FBXO39: variants seen among roughly 807,000 people sequenced by gnomAD.
FBXO39 encodes F-box protein 39.
In FBXO39, 22 loss-of-function variants were observed where a neutral mutation model predicts 36.6. The ratio of observed to expected loss-of-function variants is 0.60; its 90% CI spans 0.43 to 0.86. The LOEUF is 0.86. Among genes scored for constraint, FBXO39 ranks in the 40% least tolerant of loss-of-function variants. The probability of loss-of-function intolerance (pLI) is 0.00; values close to 1 mark genes in which losing one functional copy is unlikely to be tolerated. For missense variants in FBXO39, 536 were observed against 543.9 expected, an observed-to-expected ratio of 0.99 and a Z score of 0.14; for synonymous variants, 206 against 205.8, an observed-to-expected ratio of 1.00 and a Z score of -0.01.
Position 6,786,894 on chromosome 17 carries a change from A to G in FBXO39, c.1138A>G (p.Ser380Gly). Residue 380 changes from serine to glycine, a missense_variant, in exon 3 of 4, where the codon AGT becomes GGT. Physicochemically the swap from Ser to Gly is moderately conservative, Grantham distance 56. Coordinates refer to ENST00000321535, the MANE Select transcript of FBXO39 (RefSeq NM_153230.3). ...CAAAATCTGGGCTTTCCTTGATGTT[A>G]GTTTTGTGGAGCGGATCCTGAAGAG... ...YFKIWAFLDV[S>G]FVERILKSQK... is the part of the protein sequence containing the mutation. 1 of 1,614,050 alleles carries G rather than the reference A, an allele frequency of 6.2e-7. No homozygotes were observed. Among genetic ancestry groups the G allele is most frequent in the Non-Finnish European group, 8.5e-7 (1 of 1,179,964 alleles).
chr17:6,778,683 G>A (rs34246383), intron 1 of FBXO39, among the ~76,000 whole-genome samples: 4,647 of 152,252 alleles, frequency 0.031, 118 homozygotes, highest in Non-Finnish European at 0.05. Flanking sequence ...TTTGGGAGGG[G>A]CAAACAACAT....
chr17:6,780,678 T>C lies in FBXO39; in HGVS notation c.810T>C (p.Gly270=), dbSNP rs563255414. The change falls in exon 2 of 4, where the codon GGT becomes GGC. Residue 270 remains glycine (G), a synonymous_variant. Transcript: ENST00000321535. ...VHDPHGQVIW[G]MSWAKLARQA... ...ACCCCCACGGACAGGTCATCTGGGG[T>C]ATGTCCTGGGCCAAGCTGGCCAGGC... 1.2e-5 allele frequency: 19 copies of C among 1,614,074 alleles called. No homozygotes were observed. In the African/African-American group the frequency reaches 1.6e-4, roughly 14 times the overall value.
At chr17:6,777,990 G>T (rs1387165691) in intron 1 of FBXO39, among the ~76,000 whole-genome samples, 1 of 152,142 alleles carries the variant, frequency 6.6e-6, no homozygotes, top group Non-Finnish European at 1.5e-5. Context: ...AAAGCCTGGA[G>T]AAGGTCCCTA....
chr17:6,787,254 G>GTGTGTGTGTGTGTGTGCC (rs111990751), intron 3 of FBXO39, 46 bp from the exon 4 acceptor site: 1 of 1,562,008 alleles, frequency 6.4e-7, no homozygotes, highest in African/African-American at 1.6e-5. Flanking sequence ...GTGTGTGTGT[G>GTGTGTGTGTGTGTGTGCC]CGTGTGTGCG....
intron 1 of FBXO39, 51 bp from the exon 2 acceptor site, chr17:6,779,738 A>T: frequency 1.0e-6 from 1 of 985,542 alleles, no homozygotes; most frequent in Non-Finnish European, 1.5e-6. Flanking sequence ...GGTTCATTTG[A>T]GTTTAATCTC....
rs759399371 is a variant in FBXO39 at position 6,780,089 on chromosome 17, A to C, written c.221A>C (p.Glu74Ala). Residue 74 changes from glutamate to alanine, a missense_variant, in exon 2 of 4, where the codon GAA becomes GCA. Transcript: ENST00000321535. Reference protein sequence around the residue: ...SGRPSRVHASEVESAVWYVKK... With the variant: ...SGRPSRVHASAVESAVWYVKK... The stretch of plus-strand genomic sequence containing the variant: ...AGACCTTCCAGGGTACATGCATCTG[A>C]AGTTGAGTCAGCTGTTTGGTATGTT... The C allele has an allele frequency of 6.2e-7, 1 of 1,614,174 alleles. No homozygotes were observed. The highest frequency in any genetic ancestry group is 2.2e-5 in the East Asian group (1 of 44,886).
At chr17:6,778,145 G>A (rs984846674) in intron 1 of FBXO39, among the ~76,000 whole-genome samples, 2 of 152,316 alleles carry the variant, frequency 1.3e-5, no homozygotes, top group African/African-American at 4.8e-5. Context: ...GCTGCTAGAC[G>A]CAATGGGTGA....
chr17:6,782,620 T>G (rs975538308), intron 2 of FBXO39, among the ~76,000 whole-genome samples: 1 of 151,404 alleles, frequency 6.6e-6, no homozygotes, highest in African/African-American at 2.4e-5. Context: ...AGAGGAGGAG[T>G]AGCTATACTT....
intron 1 of FBXO39, among the ~76,000 whole-genome samples, chr17:6,777,273 C>G (rs756175250): frequency 1.3e-5 from 2 of 152,002 alleles, no homozygotes; most frequent in African/African-American, 2.4e-5. Context: ...CGCCACCCCC[C>G]GACAGGCCCC....
chr17:6,779,846 GC>G lies in FBXO39; in HGVS notation c.-22del. ...TGGAAGCCCTGCCTAACACACAGCT[GC>G]ACTGTACATCCCAGTTCCTGGATGG... On this transcript the variant is annotated 5_prime_UTR_variant, in exon 2 of 4. Transcript: ENST00000321535. The G allele has an allele frequency of 6.2e-7, 1 of 1,610,586 alleles. No homozygotes were observed. Among genetic ancestry groups the G allele is most frequent in the Non-Finnish European group, 8.5e-7 (1 of 1,178,280 alleles).
Position 6,779,999 on chromosome 17 carries a change from G to A in FBXO39, c.131G>A (p.Arg44Lys). ...AGGTCCAGGGCTGCTCTTGTCTGCA[G>A]AAAGTGGAACCAGATGATGTATTCT... ...RDRSRAALVC[R>K]KWNQMMYSAE... Residue 44 changes from arginine (R) to lysine (K), a missense_variant, in exon 2 of 4, where the codon AGA (arginine) becomes AAA (lysine). Physicochemically the swap from Arg to Lys is conservative, Grantham distance 26. Transcript: ENST00000321535. The A allele has an allele frequency of 6.2e-7, 1 of 1,614,246 alleles. No homozygotes were observed. Among genetic ancestry groups the A allele is most frequent in the East Asian group, 2.2e-5 (1 of 44,892 alleles).
At chr17:6,784,792 T>A (rs921878130) in intron 2 of FBXO39, among the ~76,000 whole-genome samples, 5 of 152,054 alleles carry the variant, frequency 3.3e-5, no homozygotes, top group Non-Finnish European at 7.4e-5. Context: ...TATTCTATGT[T>A]CATGAGTTGG....
At position 6,780,615 on chromosome 17, in the gene FBXO39, C is replaced by A; in HGVS notation, c.747C>A (p.Ser249Arg). Residue 249 changes from serine (S) to arginine (R), a missense_variant, in exon 2 of 4, where the codon AGC (serine) becomes AGA (arginine). Transcript: ENST00000321535. ...ELLENLCENA[S>R]TLRTINIKCH... The stretch of plus-strand genomic sequence containing the variant: ...TTGAGAACTTGTGTGAGAATGCCAG[C>A]ACCCTCCGGACCATCAACATCAAAT... The A allele has an allele frequency of 6.2e-7, 1 of 1,614,104 alleles. No homozygotes were observed. Among genetic ancestry groups the A allele is most frequent in the Non-Finnish European group, 8.5e-7 (1 of 1,180,028 alleles).
At position 6,787,539 on chromosome 17, in the gene FBXO39, C is replaced by CT. The variant is rs753949794; in HGVS notation, c.*122dup. 0.13 allele frequency: 127,528 copies of CT among 1,007,490 alleles called. 194 individuals are homozygous for CT. Among genetic ancestry groups the CT allele is most frequent in the Middle Eastern group, 0.18 (687 of 3,758 alleles). 62.4% of individuals were successfully genotyped at this position (1,007,490 alleles called of 1,614,324 possible). A position where few individuals can be genotyped will look rare whatever the true frequency, so the allele number is the denominator to read the frequency against. On this transcript the variant is annotated 3_prime_UTR_variant, in exon 4 of 4. Coordinates refer to ENST00000321535, the MANE Select transcript of FBXO39 (RefSeq NM_153230.3). Reference sequence around the variant, plus strand: ...CTTTTGCTCCTCTCTCTCCCCTCCACTTTTTTTTTTTGTCAGCTCCATGAC... The same window carrying CT: ...CTTTTGCTCCTCTCTCTCCCCTCCACTTTTTTTTTTTTGTCAGCTCCATGAC...
chr17:6,782,617 G>A (rs944243314), intron 2 of FBXO39, among the ~76,000 whole-genome samples: 1 of 152,046 alleles, frequency 6.6e-6, no homozygotes, highest in Admixed American at 6.5e-5. Context: ...AAAAGAGGAG[G>A]AGTAGCTATA....
chr17:6,780,220 T>A lies in FBXO39; in HGVS notation c.352T>A (p.Cys118Ser). Residue 118 changes from cysteine to serine, a missense_variant, in exon 2 of 4, where the codon TGT (cysteine) becomes AGT (serine). Physicochemically the swap from Cys to Ser is moderately radical, Grantham distance 112. Transcript: ENST00000321535. ...GGTCACCATGCGGGGCCTCCTGTCT[T>A]GTCTGAGTAAGAGCAACAACCGTCT... ...FQVTMRGLLS[C>S]LSKSNNRLKS... is the part of the protein sequence containing the mutation. 1.2e-6 allele frequency: 2 copies of A among 1,614,198 alleles called. No homozygotes were observed. Among genetic ancestry groups the A allele is most frequent in the Non-Finnish European group, 1.7e-6 (2 of 1,180,022 alleles).
At chr17:6,784,929 ATGTGTGTGTG>A (rs3071470) in intron 2 of FBXO39, among the ~76,000 whole-genome samples, 5 of 136,214 alleles carry the variant, frequency 3.7e-5, no homozygotes, top group Non-Finnish European at 6.2e-5. Flanking sequence ...ATATATATAT[ATGTGTGTGTG>A]TGTGTGTGTG....
intron 2 of FBXO39, 23 bp from the exon 3 acceptor site, chr17:6,786,757 C>A: frequency 6.3e-7 from 1 of 1,580,748 alleles, no homozygotes; most frequent in Admixed American, 1.8e-5. Context: ...CCACACACAT[C>A]TTCCCTTTTG....
intron 3 of FBXO39, 94 bp downstream of exon 3, chr17:6,787,050 G>C: frequency 7.1e-7 from 1 of 1,412,508 alleles, no homozygotes; most frequent in Non-Finnish European, 9.6e-7. Context: ...AAGGCAGTGG[G>C]GGACAATCAT....
Sources: gnomAD v4.1 joint callset for allele counts (sites outside exome capture counted in the v4.1 genomes callset) on GRCh38, gnomAD v4.1.1 for gene constraint, MANE v1.5 for transcripts, NCBI Gene and HGNC (gene_info 2026-07-23, HGNC 2026-07-21) for gene names.